Variants in FGF14 observed in about 807,000 individuals in gnomAD.
FGF14 encodes the protein fibroblast growth factor homologous factor 4.
Under a neutral mutation model 25.5 loss-of-function variants are expected in FGF14, and 5 were observed. The observed-to-expected ratio is 0.20, with a 90% CI of 0.10 to 0.41. The LOEUF (loss-of-function observed/expected upper bound fraction) is 0.41, where lower values mean the gene tolerates loss of function less well. Ranked by LOEUF, FGF14 falls within the 10% of genes least tolerant of loss-of-function variation. The pLI is 1.00. For missense variants in FGF14, 222 were observed against 320.1 expected, an observed-to-expected ratio of 0.69 and a Z score of 2.34; for synonymous variants, 138 against 118.3, an observed-to-expected ratio of 1.17 and a Z score of -1.08.
intron 1 of FGF14, among the ~76,000 whole-genome samples, chr13:102,398,499 T>G (rs1359410515): frequency 6.6e-6 from 1 of 152,220 alleles, no homozygotes; most frequent in African/African-American, 2.4e-5. Context: ...ATAGGTGCTT[T>G]ACACCAAATT....
At chr13:101,842,929 C>G (rs2043261535) in intron 3 of FGF14, among the ~76,000 whole-genome samples, 1 of 152,040 alleles carries the variant, frequency 6.6e-6, no homozygotes, top group Non-Finnish European at 1.5e-5. Flanking sequence ...TACACTGGAA[C>G]AACTTGTGTG....
intron 1 of FGF14, among the ~76,000 whole-genome samples, chr13:102,258,643 G>T (rs1262848599): frequency 2.0e-5 from 3 of 152,148 alleles, no homozygotes; most frequent in Non-Finnish European, 2.9e-5. Context: ...CACCATCCCT[G>T]AGCCCAAGCT....
At chr13:102,295,656 T>TA (rs1220452655) in intron 1 of FGF14, among the ~76,000 whole-genome samples, 1 of 152,164 alleles carries the variant, frequency 6.6e-6, no homozygotes, top group Non-Finnish European at 1.5e-5. Context: ...GAGAGAAACA[T>TA]AAAGTCCAAG....
chr13:102,352,282 CA>C (rs1566955797), intron 1 of FGF14, among the ~76,000 whole-genome samples: 13 of 148,618 alleles, frequency 8.7e-5, no homozygotes, highest in African/African-American at 2.8e-4. Context: ...CACACACACA[CA>C]CACACACCTG....
At chr13:102,390,294 A>G (rs2058403211) in intron 1 of FGF14, among the ~76,000 whole-genome samples, 1 of 152,216 alleles carries the variant, frequency 6.6e-6, no homozygotes, top group Non-Finnish European at 1.5e-5. Context: ...CAACTGTTAG[A>G]ATACATCAAG....
chr13:102,257,036 A>T (rs536842304), intron 1 of FGF14, among the ~76,000 whole-genome samples: 15 of 152,280 alleles, frequency 9.9e-5, no homozygotes, highest in Non-Finnish European at 1.5e-5. Flanking sequence ...CTGGTATATA[A>T]GGAAAAAGGA....
intron 1 of FGF14, among the ~76,000 whole-genome samples, chr13:102,023,024 AAGT>A (rs2040743375): frequency 1.3e-5 from 2 of 148,248 alleles, no homozygotes; most frequent in Admixed American, 1.4e-4. Flanking sequence ...AACTGTACAA[AAGT>A]AGTAAAATAT....
chr13:102,065,749 GTATAA>G (rs964783560), intron 1 of FGF14, among the ~76,000 whole-genome samples: 2 of 151,766 alleles, frequency 1.3e-5, no homozygotes, highest in Admixed American at 1.3e-4. Flanking sequence ...TTGTCCAAAT[GTATAA>G]TATGTTAATG....
At chr13:101,926,118 C>T (rs571962174) in intron 1 of FGF14, among the ~76,000 whole-genome samples, 8 of 152,188 alleles carry the variant, frequency 5.3e-5, no homozygotes, top group Non-Finnish European at 5.9e-5. Context: ...TGTAAACTGA[C>T]GTATTCACAT....
chr13:102,383,607 T>C (rs2058236167), intron 1 of FGF14, among the ~76,000 whole-genome samples: 1 of 152,194 alleles, frequency 6.6e-6, no homozygotes, highest in African/African-American at 2.4e-5. Flanking sequence ...TCTCCTGTCA[T>C]GACTGGCAGT....
intron 1 of FGF14, among the ~76,000 whole-genome samples, chr13:101,876,281 A>T (rs929845358): frequency 5.3e-5 from 8 of 152,174 alleles, no homozygotes; most frequent in Admixed American, 5.2e-4. Context: ...TGGATGTGGG[A>T]CATCATAATC....
chr13:102,199,048 C>G (rs1367728032), intron 1 of FGF14, among the ~76,000 whole-genome samples: 2 of 152,140 alleles, frequency 1.3e-5, no homozygotes, highest in East Asian at 1.9e-4. Flanking sequence ...AAATCAGAAC[C>G]TGAAACACTA....
chr13:102,187,189 T>C (rs1694809907), intron 1 of FGF14, among the ~76,000 whole-genome samples: 1 of 152,196 alleles, frequency 6.6e-6, no homozygotes, highest in South Asian at 2.1e-4. Flanking sequence ...ATCAAAAGTG[T>C]GCTACAAAAA....
At chr13:101,913,499 A>AT (rs11410397) in intron 1 of FGF14, among the ~76,000 whole-genome samples, 76,995 of 151,932 alleles carry the variant, frequency 0.51, 23,029 homozygotes, top group African/African-American at 0.84. Context: ...TTAATAAAGG[A>AT]TTTTTTAAAA....
chr13:101,823,161 T>G (rs150901283), intron 3 of FGF14, among the ~76,000 whole-genome samples: 1 of 152,264 alleles, frequency 6.6e-6, no homozygotes, highest in East Asian at 1.9e-4. Flanking sequence ...AAAGCTGCTA[T>G]AAACGTTTGA....
At chr13:102,128,276 C>T (rs944597984) in intron 1 of FGF14, among the ~76,000 whole-genome samples, 3 of 131,902 alleles carry the variant, frequency 2.3e-5, no homozygotes, top group Admixed American at 7.3e-5. Flanking sequence ...CAGTAGCTGT[C>T]GGCTAATATC....
At chr13:102,104,778 C>T (rs1383302211) in intron 1 of FGF14, among the ~76,000 whole-genome samples, 1 of 151,882 alleles carries the variant, frequency 6.6e-6, no homozygotes, top group Non-Finnish European at 1.5e-5. Flanking sequence ...AGAACGAGAC[C>T]CTATCTAAAA....
At chr13:102,188,282 G>GA (rs1252361837) in intron 1 of FGF14, among the ~76,000 whole-genome samples, 4 of 151,996 alleles carry the variant, frequency 2.6e-5, no homozygotes, top group Non-Finnish European at 5.9e-5. Context: ...TTTAGACTGG[G>GA]AAAAAAACAA....
chr13:102,265,988 A>C (rs1007971197), intron 1 of FGF14, among the ~76,000 whole-genome samples: 1 of 152,102 alleles, frequency 6.6e-6, no homozygotes. Flanking sequence ...TTACAATTGC[A>C]ATGAAATTGG....
Sources: allele counts gnomAD v4.1 joint callset (sites outside exome capture counted in the v4.1 genomes callset), GRCh38; gene constraint gnomAD v4.1.1; transcripts MANE v1.5; gene names NCBI Gene and HGNC (gene_info 2026-07-23, HGNC 2026-07-21).